Variants in CEP83 observed in about 807,000 individuals in gnomAD.
The protein encoded by CEP83 is centrosomal protein 83, also known as centrosomal protein of 83 kDa.
A neutral mutation model predicts 101.9 loss-of-function variants in CEP83; 70 were observed. The observed-to-expected ratio is 0.69, with a 90% CI of 0.57 to 0.84. The LOEUF is 0.84. CEP83 is among the 40% of genes least tolerant of loss of function. CEP83 has a pLI of 0.00. For synonymous variants in CEP83, 264 were observed against 267.9 expected (o/e 0.99, Z 0.14); for missense variants, 715 against 787.2 (o/e 0.91, Z 1.10).
intron 6 of CEP83, among the ~76,000 whole-genome samples, chr12:94,380,766 T>C (rs1328618016): frequency 2.6e-5 from 4 of 152,180 alleles, no homozygotes; most frequent in South Asian, 2.1e-4. Flanking sequence ...AAAATCAACA[T>C]TAACAATAAT....
chr12:94,444,083 C>T (rs540450574), intron 1 of CEP83, among the ~76,000 whole-genome samples: 3 of 152,160 alleles, frequency 2.0e-5, no homozygotes, highest in Admixed American at 6.5e-5. Context: ...ATTATGCATG[C>T]GTTATAGTTA....
chr12:94,430,529 A>T (rs1039130436), intron 2 of CEP83, among the ~76,000 whole-genome samples: 2 of 152,070 alleles, frequency 1.3e-5, no homozygotes, highest in African/African-American at 2.4e-5. Context: ...AGAAGAAAGA[A>T]TCTCAGAACC....
chr12:94,286,283 CAG>C, the CEP83 span, among the ~76,000 whole-genome samples: 1 of 152,080 alleles, frequency 6.6e-6, no homozygotes, highest in South Asian at 2.1e-4. Context: ...GCAAATAAAC[CAG>C]AGAGCCTGAA....
chr12:94,430,655 A>C (rs2138176098), intron 2 of CEP83, among the ~76,000 whole-genome samples: 1 of 152,338 alleles, frequency 6.6e-6, no homozygotes, highest in African/African-American at 2.4e-5. Flanking sequence ...TCATTTTCAG[A>C]GTCTCATAAG....
At chr12:94,428,307 CAGA>C (rs971447010) in intron 2 of CEP83, among the ~76,000 whole-genome samples, 18 of 152,222 alleles carry the variant, frequency 1.2e-4, no homozygotes, top group Middle Eastern at 3.4e-3. Context: ...GGGGACTTTC[CAGA>C]AGATTTATGA....
intron 14 of CEP83, among the ~76,000 whole-genome samples, chr12:94,323,545 G>C (rs1032637395): frequency 1.2e-4 from 18 of 152,054 alleles, no homozygotes; most frequent in African/African-American, 4.1e-4. Context: ...TTGTTTTCTT[G>C]ATGAATCCCA....
At chr12:94,343,408 T>C (rs1436728028) in intron 11 of CEP83, among the ~76,000 whole-genome samples, 2 of 150,840 alleles carry the variant, frequency 1.3e-5, no homozygotes, top group Non-Finnish European at 2.9e-5. Flanking sequence ...ATCAGAGTGT[T>C]CCACAAAGCA....
chr12:94,267,619 A>T, the CEP83 span, among the ~76,000 whole-genome samples: 5 of 152,220 alleles, frequency 3.3e-5, no homozygotes, highest in Admixed American at 2.6e-4. Flanking sequence ...CCTTGCCTTT[A>T]AAAATGATTG....
At chr12:94,347,693 T>C (rs1458513179) in intron 11 of CEP83, among the ~76,000 whole-genome samples, 1 of 152,120 alleles carries the variant, frequency 6.6e-6, no homozygotes, top group East Asian at 1.9e-4. Flanking sequence ...TAAATCATAT[T>C]ACGTTTATAC....
chr12:94,347,094 T>TAC (rs549488983), intron 11 of CEP83, among the ~76,000 whole-genome samples: 24 of 138,692 alleles, frequency 1.7e-4, no homozygotes, highest in South Asian at 7.3e-4. Context: ...CACACACACA[T>TAC]ACACACACAC....
At chr12:94,273,651 C>T in the CEP83 span, among the ~76,000 whole-genome samples, 2 of 152,184 alleles carry the variant, frequency 1.3e-5, no homozygotes, top group African/African-American at 4.8e-5. Flanking sequence ...CACAGTTCTT[C>T]TACTAGTCTG....
intron 14 of CEP83, among the ~76,000 whole-genome samples, chr12:94,322,640 G>A (rs1406751880): frequency 1.3e-5 from 2 of 152,192 alleles, no homozygotes; most frequent in East Asian, 1.9e-4. Flanking sequence ...GACCTCAGTC[G>A]GGAGATCCCA....
At chr12:94,365,717 C>T (rs2060987320) in intron 11 of CEP83, among the ~76,000 whole-genome samples, 1 of 150,438 alleles carries the variant, frequency 6.6e-6, no homozygotes. Flanking sequence ...CTGCAGTGAG[C>T]CAAGATCGCC....
chr12:94,303,754 A>G, downstream of CEP83: 1 of 1,258,712 alleles, frequency 7.9e-7, no homozygotes. Context: ...TTTTTTCCCC[A>G]GGAAGCACCA....
intron 13 of CEP83, among the ~76,000 whole-genome samples, chr12:94,332,129 C>T (rs2059250852): frequency 6.6e-6 from 1 of 152,132 alleles, no homozygotes; most frequent in Non-Finnish European, 1.5e-5. Flanking sequence ...GAGCAGTTAA[C>T]GAACTTAAGG....
chr12:94,429,205 T>C (rs1184519360), intron 2 of CEP83, among the ~76,000 whole-genome samples: 1 of 152,152 alleles, frequency 6.6e-6, no homozygotes, highest in African/African-American at 2.4e-5. Flanking sequence ...GCAGCCTGCT[T>C]ATCCGAGATT....
rs142466898 is a variant in CEP83, at chr12:94,373,810, T to C, written c.933+2076A>G. Among the ~76,000 whole-genome samples, 438 of 152,326 alleles carry C rather than the reference T, an allele frequency of 2.9e-3. 8 individuals are homozygous for C. In the South Asian group the frequency reaches 0.054, roughly 19 times the overall value. On this transcript the variant is annotated intron_variant, in intron 8 of 16. Transcript: ENST00000397809. Reference sequence around the variant, plus strand: ...AGACAAACACACCCCAGGTGTTCCTTTGCACTGCAAACAACCATTTGCTAG... The same window carrying C: ...AGACAAACACACCCCAGGTGTTCCTCTGCACTGCAAACAACCATTTGCTAG...
At chr12:94,294,032 TAAACATAGG>T in the CEP83 span, among the ~76,000 whole-genome samples, 155 of 152,262 alleles carry the variant, frequency 1.0e-3, no homozygotes, top group African/African-American at 3.6e-3. Flanking sequence ...GATTAGGATT[TAAACATAGG>T]AATCTGGAGG....
chr12:94,357,510 C>A (rs981252933), intron 11 of CEP83, among the ~76,000 whole-genome samples: 3 of 152,182 alleles, frequency 2.0e-5, no homozygotes, highest in African/African-American at 7.2e-5. Flanking sequence ...TCGGGAAATG[C>A]CATGAGGGAG....
Sources: gnomAD v4.1 joint callset for allele counts (sites outside exome capture counted in the v4.1 genomes callset) on GRCh38, gnomAD v4.1.1 for gene constraint, MANE v1.5 for transcripts, NCBI Gene and HGNC (gene_info 2026-07-23, HGNC 2026-07-21) for gene names.